DACH2: variants seen among roughly 807,000 people sequenced by gnomAD.
DACH2 encodes dachshund family transcription factor 2.
A neutral mutation model predicts 35.8 loss-of-function variants in DACH2; 17 were observed. The ratio of observed to expected loss-of-function variants is 0.48; its 90% CI spans 0.33 to 0.71. DACH2 has a LOEUF of 0.71. DACH2 is among the 30% of genes least tolerant of loss of function. The pLI is 0.02. For missense variants in DACH2, 469 were observed against 472.7 expected, an observed-to-expected ratio of 0.99 and a Z score of 0.07; for synonymous variants, 195 against 177.3, an observed-to-expected ratio of 1.10 and a Z score of -0.79.
intron 2 of DACH2, among the ~76,000 whole-genome samples, chrX:86,426,063 T>C (rs1000532369): frequency 3.6e-5 from 4 of 111,363 alleles, no homozygotes; most frequent in African/African-American, 1.3e-4. Flanking sequence ...TATGTAAAGA[T>C]TCTTCAGTTT....
At chrX:86,539,713 CT>C (rs2038854738) in intron 3 of DACH2, among the ~76,000 whole-genome samples, 1 of 111,474 alleles carries the variant, frequency 9.0e-6, no homozygotes, top group Non-Finnish European at 1.9e-5. Context: ...TTACTTTCTC[CT>C]TTCTGTGACT....
chrX:86,744,832 G>C (rs1020372080), intron 7 of DACH2, among the ~76,000 whole-genome samples: 2 of 111,151 alleles, frequency 1.8e-5, no homozygotes, highest in Admixed American at 1.9e-4. Flanking sequence ...AATTAATCAC[G>C]TTATGACATT....
chrX:86,490,277 T>A (rs1272123771), intron 2 of DACH2, among the ~76,000 whole-genome samples: 1 of 111,729 alleles, frequency 9.0e-6, no homozygotes, highest in Non-Finnish European at 1.9e-5. Context: ...TGGGTCAACA[T>A]ACAACTCATT....
intron 3 of DACH2, among the ~76,000 whole-genome samples, chrX:86,598,840 C>T (rs1210923921): frequency 9.3e-6 from 1 of 106,955 alleles, no homozygotes; most frequent in Non-Finnish European, 1.9e-5. Flanking sequence ...TTCTAGGGTA[C>T]ATGTGCACAA....
chrX:86,482,627 G>A (rs1478145442), intron 2 of DACH2, among the ~76,000 whole-genome samples: 11 of 107,887 alleles, frequency 1.0e-4, no homozygotes, highest in African/African-American at 3.7e-4. Context: ...TTTCCACAAT[G>A]GTTGAACTAG....
rs187272180 is a variant in DACH2 at position 86,589,348 on chromosome X, G to A, written c.641-61688G>A. ...TATTTAGAGTTAGTTTTTTTCTAGC[G>A]AATGGAAAATATTACCTCACTCTAT... On this transcript the variant is annotated intron_variant, in intron 3 of 11. Transcript: ENST00000373125. Among the ~76,000 whole-genome samples the A allele has an allele frequency of 2.9e-3, 321 of 109,542 alleles. 3 individuals carry two copies. The highest frequency in any genetic ancestry group is 8.9e-3 in the African/African-American group (268 of 30,202).
chrX:86,293,633 T>C (rs1214685532), intron 1 of DACH2, among the ~76,000 whole-genome samples: 5 of 110,755 alleles, frequency 4.5e-5, no homozygotes, highest in Non-Finnish European at 9.4e-5. Flanking sequence ...TGACAAAATC[T>C]GTCAGCATTT....
chrX:86,516,588 CTGAG>C (rs71727986), intron 3 of DACH2, among the ~76,000 whole-genome samples: 7,353 of 109,644 alleles, frequency 0.067, 655 homozygotes, highest in African/African-American at 0.23. Context: ...AGTGGCAGAA[CTGAG>C]TTTCTTTTTT....
chrX:86,271,571 G>A (rs1015411767), intron 1 of DACH2, among the ~76,000 whole-genome samples: 3 of 111,481 alleles, frequency 2.7e-5, no homozygotes, highest in Non-Finnish European at 5.7e-5. Flanking sequence ...GGAGAAGTAA[G>A]GAACATAGCC....
intron 2 of DACH2, among the ~76,000 whole-genome samples, chrX:86,423,582 A>G (rs1417453807): frequency 9.2e-6 from 1 of 108,276 alleles, no homozygotes; most frequent in Non-Finnish European, 1.9e-5. Flanking sequence ...TCAGATGGGT[A>G]GTTTGCAGAT....
At chrX:86,827,574 T>G (rs183224196) in intron 11 of DACH2, among the ~76,000 whole-genome samples, 1 of 112,038 alleles carries the variant, frequency 8.9e-6, no homozygotes, top group African/African-American at 3.2e-5. Flanking sequence ...TATAAATGAA[T>G]ATTTGATTAA....
At chrX:86,641,240 G>A (rs1442475916) in intron 3 of DACH2, among the ~76,000 whole-genome samples, 1 of 112,012 alleles carries the variant, frequency 8.9e-6, no homozygotes, top group African/African-American at 3.2e-5. Context: ...GGACAAAACA[G>A]TCAGTGTAAA....
chrX:86,441,206 C>A (rs2037155538), intron 2 of DACH2, among the ~76,000 whole-genome samples: 1 of 110,958 alleles, frequency 9.0e-6, no homozygotes. Flanking sequence ...AATATTAGAT[C>A]TTATTCATTC....
At chrX:86,203,948 A>C (rs1370075351) in intron 1 of DACH2, among the ~76,000 whole-genome samples, 5 of 111,672 alleles carry the variant, frequency 4.5e-5, no homozygotes, top group African/African-American at 1.6e-4. Flanking sequence ...TTAAACTTCT[A>C]AGCCCTTAAC....
chrX:86,805,751 CCTCA>C (rs1483562760), intron 7 of DACH2, among the ~76,000 whole-genome samples: 1 of 111,669 alleles, frequency 9.0e-6, no homozygotes, highest in Admixed American at 9.5e-5. Context: ...TACCCTAAAT[CCTCA>C]CTCTCAAGTT....
chrX:86,806,551 A>G (rs1043001070), intron 7 of DACH2, among the ~76,000 whole-genome samples: 1 of 112,146 alleles, frequency 8.9e-6, no homozygotes, highest in African/African-American at 3.2e-5. Flanking sequence ...ACTCAGGTCT[A>G]AACATGAACT....
At chrX:86,187,382 A>G (rs900350248) in intron 1 of DACH2, among the ~76,000 whole-genome samples, 1 of 110,214 alleles carries the variant, frequency 9.1e-6, no homozygotes, top group Non-Finnish European at 1.9e-5. Context: ...TTTCTATTCA[A>G]TAATTACAAA....
Position 86,795,478 on chromosome X carries a change from C to G in DACH2, c.1241-17378C>G, listed in dbSNP as rs376253598. Among the ~76,000 whole-genome samples, 81 of 111,328 alleles carry G rather than the reference C, an allele frequency of 7.3e-4. 2 individuals are homozygous for G. The East Asian group carries it at 0.012, about 16-fold the overall frequency. ...TCGATCTCCTGACCTCATGATCCAC[C>G]TGCCTTGGCCTCCCAAAGTGCTGGG... On this transcript the variant is annotated intron_variant, in intron 7 of 11. Coordinates refer to ENST00000373125, the MANE Select transcript of DACH2 (RefSeq NM_053281.3).
chrX:86,331,807 C>T (rs184877041), intron 1 of DACH2, among the ~76,000 whole-genome samples: 35 of 111,410 alleles, frequency 3.1e-4, no homozygotes, highest in East Asian at 2.0e-3. Flanking sequence ...AGATTAGAGA[C>T]GTGACCCAAT....
Sources: gnomAD v4.1 joint callset for allele counts (sites outside exome capture counted in the v4.1 genomes callset) on GRCh38, gnomAD v4.1.1 for gene constraint, MANE v1.5 for transcripts, NCBI Gene and HGNC (gene_info 2026-07-23, HGNC 2026-07-21) for gene names.